The following ARMC9 variants were observed in gnomAD, a reference collection of about 807,000 sequenced individuals.
ARMC9 encodes the protein lisH domain-containing protein ARMC9.
A neutral mutation model predicts 107.0 loss-of-function variants in ARMC9; 94 were observed. The observed-to-expected ratio is 0.88, with a 90% CI of 0.74 to 1.04. ARMC9 has a LOEUF of 1.04. Among genes scored for constraint, ARMC9 ranks in the 50% least tolerant of loss-of-function variants. The pLI, the probability that ARMC9 is intolerant of heterozygous loss-of-function variation, is 0.00. For synonymous variants in ARMC9, 380 were observed against 396.9 expected (o/e 0.96, Z 0.51); for missense variants, 942 against 1,030.1 (o/e 0.91, Z 1.17).
chr2:231,243,701 G>A (rs746281287), intron 9 of ARMC9, among the ~76,000 whole-genome samples: 1 of 152,190 alleles, frequency 6.6e-6, no homozygotes, highest in Non-Finnish European at 1.5e-5. Flanking sequence ...GTTTCTAGCC[G>A]ATTTCTTTAA....
chr2:231,316,237 G>A (rs1419377418), intron 19 of ARMC9, among the ~76,000 whole-genome samples: 1 of 150,524 alleles, frequency 6.6e-6, no homozygotes, highest in East Asian at 1.9e-4. Context: ...CTGTAATGCT[G>A]GTCTCTTAAC....
rs3042595 is a variant in ARMC9 at position 231,255,180 on chromosome 2, A to AACACACACACACACACACACAC, written c.880-1386_880-1365dup. ...AGCACTACCTGTAGTGGCAAAAAGAAACACACACACACACACACACACACA... is the reference window on the plus strand; with the variant it reads ...AGCACTACCTGTAGTGGCAAAAAGAAACACACACACACACACACACACACACACACACACACACACACACACA... On this transcript the variant is annotated intron_variant, in intron 9 of 24. Coordinates refer to ENST00000611582, the MANE Select transcript of ARMC9 (RefSeq NM_001352754.2). The surrounding 1 kb of genome is among the most constrained non-coding windows in gnomAD (Gnocchi z 4.7). 3.4e-5 allele frequency among the ~76,000 whole-genome samples: 5 copies of AACACACACACACACACACACAC among 146,760 alleles called. No individual in the cohort carries two copies. Among genetic ancestry groups the AACACACACACACACACACACAC allele is most frequent in the South Asian group, 2.2e-4 (1 of 4,552 alleles).
chr2:231,240,171 A>G (rs2036165718), intron 9 of ARMC9, 130 bp downstream of exon 9: 1 of 780,018 alleles, frequency 1.3e-6, no homozygotes, highest in Admixed American at 2.6e-5. Context: ...TGAAGTCTAG[A>G]AACTCCTAGA....
At chr2:231,250,074 C>T (rs1473884047) in intron 9 of ARMC9, among the ~76,000 whole-genome samples, 3 of 152,146 alleles carry the variant, frequency 2.0e-5, no homozygotes, top group African/African-American at 4.8e-5. Flanking sequence ...TTTTCTGATG[C>T]CCCAGGCCTG....
Position 231,255,071 on chromosome 2 carries a change from G to A in ARMC9, c.880-1515G>A, listed in dbSNP as rs967926414. On this transcript the variant is annotated intron_variant, in intron 9 of 24. Transcript: ENST00000611582. The surrounding 1 kb of genome is among the most constrained non-coding windows in gnomAD (Gnocchi z 4.7). ...TATTTTCTCAAAATATCTTTTTACAGTTGGTTTATTTGAGTCAGTTCAAAC... is the reference window on the plus strand; with the variant it reads ...TATTTTCTCAAAATATCTTTTTACAATTGGTTTATTTGAGTCAGTTCAAAC... 6.6e-6 allele frequency among the ~76,000 whole-genome samples: 1 copy of A among 151,994 alleles called. No homozygotes were observed. Among genetic ancestry groups the A allele is most frequent in the Non-Finnish European group, 1.5e-5 (1 of 68,016 alleles).
intron 18 of ARMC9, 176 bp from the exon 19 acceptor site, chr2:231,296,022 A>G (rs2041339881): frequency 7.0e-6 from 3 of 427,258 alleles, no homozygotes; most frequent in South Asian, 8.0e-5. Flanking sequence ...AAAATTGCTT[A>G]GGATGATCTC....
intron 19 of ARMC9, among the ~76,000 whole-genome samples, chr2:231,310,372 C>G (rs181266636): frequency 1.4e-5 from 2 of 145,402 alleles, no homozygotes; most frequent in East Asian, 4.2e-4. Flanking sequence ...GAGCCGAGAT[C>G]GCGCCATTGC....
chr2:231,256,452 A>T, intron 9 of ARMC9, 134 bp from the exon 10 acceptor site: 1 of 1,302,022 alleles, frequency 7.7e-7, no homozygotes, highest in South Asian at 1.3e-5. Flanking sequence ...AAGTTAAAAA[A>T]AAAAACCAAA....
chr2:231,249,896 C>T (rs1251726904), intron 9 of ARMC9, among the ~76,000 whole-genome samples: 6 of 40,078 alleles, frequency 1.5e-4, no homozygotes, highest in African/African-American at 5.1e-4. Context: ...CACACCTCCA[C>T]GGGAGGGAGA....
At chr2:231,245,969 C>G (rs2036726938) in intron 9 of ARMC9, among the ~76,000 whole-genome samples, 1 of 152,180 alleles carries the variant, frequency 6.6e-6, no homozygotes, top group African/African-American at 2.4e-5. Context: ...AGAAGGCAGG[C>G]TGACCAGGAG....
intron 21 of ARMC9, among the ~76,000 whole-genome samples, chr2:231,345,575 A>G (rs571542466): frequency 6.6e-6 from 1 of 152,348 alleles, no homozygotes; most frequent in East Asian, 1.9e-4. Context: ...CCCCATTTAT[A>G]GAAATGAAAT....
intron 18 of ARMC9, among the ~76,000 whole-genome samples, chr2:231,293,109 G>A (rs573353887): frequency 1.3e-5 from 2 of 152,298 alleles, no homozygotes; most frequent in East Asian, 3.9e-4. Flanking sequence ...TTTAGGCTGG[G>A]TGCCCATTTG....
chr2:231,298,944 G>A (rs907019459), intron 19 of ARMC9, among the ~76,000 whole-genome samples: 3 of 152,076 alleles, frequency 2.0e-5, no homozygotes, highest in Non-Finnish European at 2.9e-5. Context: ...AAAAAAAGTG[G>A]GGGGCTGTAG....
Position 231,375,653 on chromosome 2 carries a change from G to T in ARMC9, c.*4118G>T, listed in dbSNP as rs1220205034. On this transcript the variant is annotated 3_prime_UTR_variant, in exon 25 of 25. Coordinates refer to ENST00000611582, the MANE Select transcript of ARMC9 (RefSeq NM_001352754.2). This position sits in a 1 kb window ranked among gnomAD's most constrained non-coding sequence, Gnocchi z 4.3. ...ATTTCTGGCCTTTTCGGATGGCATG[G>T]TCCAGGCCGGAGCACCAGCCCCAGG... is the stretch of plus-strand genomic sequence containing the variant. 2.0e-5 allele frequency among the ~76,000 whole-genome samples: 3 copies of T among 152,218 alleles called. No homozygotes were observed. The highest frequency in any genetic ancestry group is 4.4e-5 in the Non-Finnish European group (3 of 68,050).
chr2:231,307,788 T>C (rs2042116439), intron 19 of ARMC9, among the ~76,000 whole-genome samples: 1 of 152,232 alleles, frequency 6.6e-6, no homozygotes, highest in Non-Finnish European at 1.5e-5. Flanking sequence ...TTGACATTGC[T>C]CCCCTTGTTA....
chr2:231,303,885 G>A (rs563889057), intron 19 of ARMC9, among the ~76,000 whole-genome samples: 3 of 152,244 alleles, frequency 2.0e-5, no homozygotes, highest in East Asian at 1.9e-4. Flanking sequence ...GCAGTGAGCC[G>A]AGATTGCGCT....
At chr2:231,340,193 TA>T (rs1320468317) in intron 20 of ARMC9, among the ~76,000 whole-genome samples, 5 of 152,196 alleles carry the variant, frequency 3.3e-5, no homozygotes, top group African/African-American at 9.7e-5. Flanking sequence ...ATGGGGAGGC[TA>T]AAGGAAGACA....
intron 6 of ARMC9, among the ~76,000 whole-genome samples, chr2:231,223,051 A>G (rs2034305116): frequency 6.6e-6 from 1 of 152,212 alleles, no homozygotes; most frequent in Non-Finnish European, 1.5e-5. Context: ...TTTTGATGTC[A>G]CGTGGCTAGA....
At chr2:231,248,806 CAAAAAA>C (rs35234269) in intron 9 of ARMC9, among the ~76,000 whole-genome samples, 2,273 of 38,036 alleles carry the variant, frequency 0.06, 63 homozygotes, top group African/African-American at 0.2. Context: ...GGTTCTGTCT[CAAAAAA>C]AAAAAAAAAA....
Sources: allele counts gnomAD v4.1 joint callset (sites outside exome capture counted in the v4.1 genomes callset), GRCh38; gene constraint gnomAD v4.1.1; non-coding constraint Gnocchi (gnomAD v3.1); transcripts MANE v1.5; gene names NCBI Gene and HGNC (gene_info 2026-07-23, HGNC 2026-07-21).